The following DPYD variants were observed in gnomAD, a reference collection of about 807,000 sequenced individuals.
The protein encoded by DPYD is dihydropyrimidine dehydrogenase [NADP(+)].
In DPYD, 109 loss-of-function variants were observed where a neutral mutation model predicts 116.2. That is an observed-to-expected ratio of 0.94 (90% confidence interval 0.80 to 1.10). The LOEUF is 1.10. Ranked by LOEUF, DPYD falls within the 50% of genes least tolerant of loss-of-function variation. The pLI is 0.00. For missense variants in DPYD, 1,302 were observed against 1,254.5 expected (o/e 1.04, Z -0.57); for synonymous variants, 440 against 432.0 (o/e 1.02, Z -0.23).
chr1:97,407,831 C>A (rs1449162012), intron 14 of DPYD, among the ~76,000 whole-genome samples: 1 of 152,098 alleles, frequency 6.6e-6, no homozygotes, highest in Non-Finnish European at 1.5e-5. Flanking sequence ...GGTCTAGAGG[C>A]CTTACTTCCA....
chr1:97,692,112 TTAA>T (rs2100951260), intron 6 of DPYD, among the ~76,000 whole-genome samples: 1 of 152,232 alleles, frequency 6.6e-6, no homozygotes, highest in Admixed American at 6.5e-5. Context: ...GTTGATTTAT[TTAA>T]TAATAATTCT....
chr1:97,395,412 CT>C (rs1441790191), intron 14 of DPYD, among the ~76,000 whole-genome samples: 1 of 151,794 alleles, frequency 6.6e-6, no homozygotes, highest in Admixed American at 6.6e-5. Flanking sequence ...GAATCTTATA[CT>C]GATAATAATG....
chr1:97,300,572 T>C (rs772937797), intron 18 of DPYD, among the ~76,000 whole-genome samples: 1 of 152,112 alleles, frequency 6.6e-6, no homozygotes, highest in African/African-American at 2.4e-5. Context: ...GTTGCTGGCA[T>C]GCGTGAAAAT....
At chr1:97,712,699 T>TTG (rs1460066553) in intron 5 of DPYD, among the ~76,000 whole-genome samples, 1 of 152,080 alleles carries the variant, frequency 6.6e-6, no homozygotes, top group East Asian at 1.9e-4. Flanking sequence ...TCTCTCCCAC[T>TTG]GCAGAACCAA....
chr1:97,818,036 T>C (rs1357771643), intron 3 of DPYD, among the ~76,000 whole-genome samples: 1 of 152,062 alleles, frequency 6.6e-6, no homozygotes, highest in Non-Finnish European at 1.5e-5. Flanking sequence ...GTCCTTAATA[T>C]ACAATCTTTT....
Position 97,527,268 on chromosome 1 carries a change from A to G in DPYD, c.1525-11327T>C, listed in dbSNP as rs550583441. 3.6e-4 allele frequency among the ~76,000 whole-genome samples: 55 copies of G among 152,080 alleles called. 1 individual carries two copies. Among genetic ancestry groups the G allele is most frequent in the Middle Eastern group, 3.4e-3 (1 of 292 alleles). On this transcript the variant is annotated intron_variant, in intron 12 of 22. Transcript: ENST00000370192. ...TAATTTTTGTATTTTTTGTAGAGACAGGGTTTCACCATGTTGGCCAGGATG... is the reference window on the plus strand; with the variant it reads ...TAATTTTTGTATTTTTTGTAGAGACGGGGTTTCACCATGTTGGCCAGGATG...
At chr1:97,678,549 T>C (rs1269532288) in intron 8 of DPYD, among the ~76,000 whole-genome samples, 2 of 152,164 alleles carry the variant, frequency 1.3e-5, no homozygotes, top group East Asian at 3.9e-4. Context: ...GAAAACTCAT[T>C]CTCCATAACA....
At chr1:97,499,894 T>C (rs988871489) in intron 13 of DPYD, among the ~76,000 whole-genome samples, 1 of 151,918 alleles carries the variant, frequency 6.6e-6, no homozygotes, top group African/African-American at 2.4e-5. Flanking sequence ...CTATTCAAAG[T>C]CTTATTGCAA....
chr1:97,560,882 G>A (rs1344654801), intron 11 of DPYD, among the ~76,000 whole-genome samples: 2 of 152,158 alleles, frequency 1.3e-5, no homozygotes, highest in Non-Finnish European at 2.9e-5. Flanking sequence ...GAATGAACCA[G>A]TCACGTGATG....
intron 2 of DPYD, among the ~76,000 whole-genome samples, chr1:97,875,599 T>C (rs1291290816): frequency 6.6e-6 from 1 of 152,026 alleles, no homozygotes; most frequent in Non-Finnish European, 1.5e-5. Context: ...TTACAAGGTC[T>C]ACAATATGTG....
intron 1 of DPYD, among the ~76,000 whole-genome samples, chr1:97,893,596 T>C (rs1430148486): frequency 1.3e-5 from 2 of 151,214 alleles, no homozygotes; most frequent in African/African-American, 4.8e-5. Flanking sequence ...GATGAATTTG[T>C]AAAACATCAA....
At chr1:97,790,343 A>T (rs2101263675) in intron 3 of DPYD, among the ~76,000 whole-genome samples, 1 of 152,348 alleles carries the variant, frequency 6.6e-6, no homozygotes, top group African/African-American at 2.4e-5. Flanking sequence ...GAGAGGAATG[A>T]TACTAATATT....
At chr1:97,874,819 A>G (rs1194529668) in intron 2 of DPYD, among the ~76,000 whole-genome samples, 2 of 151,938 alleles carry the variant, frequency 1.3e-5, no homozygotes, top group African/African-American at 2.4e-5. Flanking sequence ...CTCTCTGTAC[A>G]TGCTTTATTT....
rs1049495062 is a variant in DPYD, at chr1:97,219,193, G to T, written c.2442+15659C>A. On this transcript the variant is annotated intron_variant, in intron 19 of 22. Transcript: ENST00000370192. ...CAGTACACACAAAGCAAAACAGTGGGGTACAAAACTGAATGTCATGAATGG... is the reference window on the plus strand; with the variant it reads ...CAGTACACACAAAGCAAAACAGTGGTGTACAAAACTGAATGTCATGAATGG... 3.9e-5 allele frequency among the ~76,000 whole-genome samples: 6 copies of T among 152,076 alleles called. No homozygotes were observed. In the South Asian group the frequency reaches 1.2e-3, roughly 32 times the overall value.
intron 8 of DPYD, among the ~76,000 whole-genome samples, chr1:97,622,041 A>G (rs1373626663): frequency 1.3e-5 from 2 of 152,094 alleles, no homozygotes; most frequent in Non-Finnish European, 2.9e-5. Flanking sequence ...GAATAGACAA[A>G]TTCCCATGCA....
At chr1:97,625,829 C>T (rs981335386) in intron 8 of DPYD, among the ~76,000 whole-genome samples, 1 of 151,914 alleles carries the variant, frequency 6.6e-6, no homozygotes, top group South Asian at 2.1e-4. Flanking sequence ...TTTGTTATGG[C>T]AGCCCTGGCA....
At chr1:97,175,471 TCTC>T (rs1475491800) in intron 20 of DPYD, among the ~76,000 whole-genome samples, 1 of 152,210 alleles carries the variant, frequency 6.6e-6, no homozygotes, top group Non-Finnish European at 1.5e-5. Flanking sequence ...ATTTCCTTGA[TCTC>T]CTCCTGTAAG....
intron 13 of DPYD, among the ~76,000 whole-genome samples, chr1:97,487,262 T>C (rs1361350169): frequency 6.6e-6 from 1 of 152,082 alleles, no homozygotes; most frequent in Non-Finnish European, 1.5e-5. Flanking sequence ...TCCAGGATAT[T>C]TATTTAAATT....
At position 97,769,500 on chromosome 1, in the gene DPYD, ACT is replaced by A. The variant is rs563214503; in HGVS notation, c.234-29023_234-29022del. 2.0e-3 allele frequency among the ~76,000 whole-genome samples: 310 copies of A among 152,220 alleles called. 2 individuals carry two copies. The highest frequency in any genetic ancestry group is 2.8e-3 in the Non-Finnish European group (187 of 67,990). On this transcript the variant is annotated intron_variant, in intron 3 of 22. Coordinates refer to ENST00000370192, the MANE Select transcript of DPYD (RefSeq NM_000110.4). Reference sequence around the variant, plus strand: ...TAAGATGATTTGTGGTGGTTAAAACACTCTGTTTTTTAGATTAGAAAAACAGT... The same window carrying A: ...TAAGATGATTTGTGGTGGTTAAAACACTGTTTTTTAGATTAGAAAAACAGT...
Sources: gnomAD v4.1 joint callset for allele counts (sites outside exome capture counted in the v4.1 genomes callset) on GRCh38, gnomAD v4.1.1 for gene constraint, MANE v1.5 for transcripts, NCBI Gene and HGNC (gene_info 2026-07-23, HGNC 2026-07-21) for gene names.